NUP210: variants seen among roughly 807,000 people sequenced by gnomAD.
The protein encoded by NUP210 is nuclear pore membrane glycoprotein 210.
A neutral mutation model predicts 196.0 loss-of-function variants in NUP210; 151 were observed. That is an observed-to-expected ratio of 0.77 (90% CI 0.67 to 0.88). The LOEUF is 0.88. NUP210 is among the 40% of genes least tolerant of loss of function. The probability of loss-of-function intolerance (pLI) is 0.00; values close to 1 mark genes in which losing one functional copy is unlikely to be tolerated. For missense variants in NUP210, 2,314 were observed against 2,493.7 expected (o/e 0.93, Z 1.53); for synonymous variants, 1,070 against 1,052.7 (o/e 1.02, Z -0.32).
Position 13,323,572 on chromosome 3 carries a change from A to G in NUP210, c.4645-140T>C. 1.1e-6 allele frequency: 1 copy of G among 905,730 alleles called. No individual in the cohort carries two copies. The highest frequency in any genetic ancestry group is 1.7e-6 in the Non-Finnish European group (1 of 605,050). 56.1% of individuals were successfully genotyped at this position (905,730 alleles called of 1,614,324 possible). A position where few individuals can be genotyped will look rare whatever the true frequency, so the allele number is the denominator to read the frequency against. On this transcript the variant is annotated intron_variant, in intron 33 of 39. Coordinates refer to ENST00000254508, the MANE Select transcript of NUP210 (RefSeq NM_024923.4). The surrounding 1 kb of genome is among the most constrained non-coding windows in gnomAD (Gnocchi z 4.3). Reference sequence around the variant, plus strand: ...GGCAACACTGAGGCTCAAAGCCTAAACGCCTTGCTAGAATGTGGCAGAGAG... The same window carrying G: ...GGCAACACTGAGGCTCAAAGCCTAAGCGCCTTGCTAGAATGTGGCAGAGAG...
In NUP210 at chr3:13,340,019, G is replaced by A. The variant is rs778365730; in HGVS notation, c.3306C>T (p.Gly1102=). ...IGATMQVTSE[G]GPQPQSNILF... The stretch of plus-strand genomic sequence containing the variant: ...GGATGTTGGACTGAGGCTGGGGGCC[G>A]CCCTCGGAGGTGACCTGAGCGGGGA... Residue 1102 remains glycine (G), a synonymous_variant, in exon 25 of 40, where the codon GGC becomes GGT. Coordinates refer to ENST00000254508, the MANE Select transcript of NUP210 (RefSeq NM_024923.4). The surrounding 1 kb of genome is among the most constrained non-coding windows in gnomAD (Gnocchi z 4.0). 2.6e-5 allele frequency: 42 copies of A among 1,613,752 alleles called. No homozygotes were observed. The highest frequency in any genetic ancestry group is 6.7e-5 in the East Asian group (3 of 44,902).
In NUP210 at chr3:13,394,747, G is replaced by A. The variant is rs189552443; in HGVS notation, c.436+2610C>T. ...ATGGGCAGCCAGGGTGCCACTGTTCGTTGAGCAATTCTCTTTCTTGACATT... is the reference window on the plus strand; with the variant it reads ...ATGGGCAGCCAGGGTGCCACTGTTCATTGAGCAATTCTCTTTCTTGACATT... On this transcript the variant is annotated intron_variant, in intron 3 of 39. Transcript: ENST00000254508. Among the ~76,000 whole-genome samples, 647 of 152,306 alleles carry A rather than the reference G, an allele frequency of 4.2e-3. 2 individuals are homozygous for A. Among genetic ancestry groups the A allele is most frequent in the Non-Finnish European group, 6.8e-3 (460 of 68,022 alleles).
chr3:13,373,447 T>C (rs928798234), intron 12 of NUP210, among the ~76,000 whole-genome samples: 3 of 152,194 alleles, frequency 2.0e-5, no homozygotes, highest in Non-Finnish European at 4.4e-5. Context: ...GTCTGGGGAA[T>C]TTTCTAGAAT....
At position 13,321,602 on chromosome 3, in the gene NUP210, C is replaced by T. The variant is rs142737206; in HGVS notation, c.5149G>A (p.Val1717Ile). The T allele has an allele frequency of 1.6e-4, 258 of 1,613,952 alleles. No homozygotes were observed. The African/African-American group carries it at 2.9e-3, about 18-fold the overall frequency. Residue 1717 changes from valine to isoleucine, a missense_variant, in exon 36 of 40, where the codon GTT becomes ATT. By Grantham distance (29) the Val-to-Ile change is conservative. Coordinates refer to ENST00000254508, the MANE Select transcript of NUP210 (RefSeq NM_024923.4). ...CCACTCACCTCCAAGTTCTCCAGAA[C>T]CTCCGGGGCACCAAAGACCCTGATC... is the stretch of plus-strand genomic sequence containing the variant. Reference protein sequence around the residue: ...SEIRVFGAPEVLENLEVKSGS... With the variant: ...SEIRVFGAPEILENLEVKSGS...
chr3:13,337,014 C>A (rs1032389874), intron 26 of NUP210, 96 bp from the exon 27 acceptor site: 109 of 1,429,900 alleles, frequency 7.6e-5, no homozygotes, highest in Non-Finnish European at 1.0e-4. Flanking sequence ...GGGAGATGAA[C>A]CCAATTCCTC....
At chr3:13,355,098 G>A (rs947850872) in intron 16 of NUP210, among the ~76,000 whole-genome samples, 5 of 152,242 alleles carry the variant, frequency 3.3e-5, no homozygotes, top group Admixed American at 6.5e-5. Context: ...AGTTTCTCCA[G>A]CTATGACACA....
chr3:13,407,143 C>G (rs1050429181), intron 1 of NUP210, among the ~76,000 whole-genome samples: 9 of 152,200 alleles, frequency 5.9e-5, no homozygotes, highest in African/African-American at 2.2e-4. Context: ...TAATATATAT[C>G]AAGCTCTTCT....
rs2124946957 is a variant in NUP210, at chr3:13,399,728, T to C, written c.301A>G (p.Ile101Val). The change falls in exon 2 of 40, where the codon ATC becomes GTC. Residue 101 changes from isoleucine to valine, a missense_variant. Ile to Val is a conservative substitution (Grantham distance 29). Coordinates refer to ENST00000254508, the MANE Select transcript of NUP210 (RefSeq NM_024923.4). ...ACACACAGCACTCAGCCCTTACTGA[T>C]GTCCTCTGCGAAGATGATGCTGGTG... is the stretch of plus-strand genomic sequence containing the variant. The part of the protein sequence containing the change: ...RLTSIIFAED[I>V]TTGQVLRCDA... 2 of 1,614,078 alleles carry C rather than the reference T, an allele frequency of 1.2e-6. No homozygotes were observed. Among genetic ancestry groups the C allele is most frequent in the East Asian group, 2.2e-5 (1 of 44,882 alleles).
rs368379314 is a variant in NUP210, at chr3:13,404,433, G to A, written c.168-4572C>T. Among the ~76,000 whole-genome samples, 24 of 152,288 alleles carry A rather than the reference G, an allele frequency of 1.6e-4. No homozygotes were observed. The South Asian group carries it at 5.0e-3, about 32-fold the overall frequency. On this transcript the variant is annotated intron_variant, in intron 1 of 39. Transcript: ENST00000254508. Reference sequence around the variant, plus strand: ...AAACCAATATAGGTTGTTACACAATGGCTAATTCTGATGGTAGGAATATGG... The same window carrying A: ...AAACCAATATAGGTTGTTACACAATAGCTAATTCTGATGGTAGGAATATGG...
rs574865766 is a variant in NUP210 at position 13,415,547 on chromosome 3, A to G, written c.167+4513T>C. On this transcript the variant is annotated intron_variant, in intron 1 of 39. Coordinates refer to ENST00000254508, the MANE Select transcript of NUP210 (RefSeq NM_024923.4). Reference sequence around the variant, plus strand: ...AGCATGCACACAAATTGAGTGGTACAGGGGAAAACACTCTCAACGAAAAGA... The same window carrying G: ...AGCATGCACACAAATTGAGTGGTACGGGGGAAAACACTCTCAACGAAAAGA... Among the ~76,000 whole-genome samples, 7 of 152,330 alleles carry G rather than the reference A, an allele frequency of 4.6e-5. No homozygotes were observed. In the East Asian group the frequency reaches 1.2e-3, roughly 25 times the overall value.
At chr3:13,319,032 A>C in intron 39 of NUP210, 40 bp downstream of exon 39, 1 of 1,555,768 alleles carries the variant, frequency 6.4e-7, no homozygotes, top group Non-Finnish European at 8.7e-7. Context: ...TCTCTTTCTC[A>C]GCAGCTCTGC....
intron 33 of NUP210, among the ~76,000 whole-genome samples, chr3:13,324,528 A>G (rs115349712): frequency 1.6e-3 from 249 of 152,200 alleles, no homozygotes; most frequent in African/African-American, 5.7e-3. Context: ...GACCAGTAGC[A>G]GCCTGGTCAT....
intron 28 of NUP210, among the ~76,000 whole-genome samples, chr3:13,333,697 G>A (rs150770120): frequency 8.3e-4 from 126 of 152,294 alleles, no homozygotes; most frequent in African/African-American, 3.0e-3. Context: ...AGGCTGACTC[G>A]GATGCCCCCT....
intron 1 of NUP210, among the ~76,000 whole-genome samples, chr3:13,410,917 CAAAAAAAAAA>C (rs35395985): frequency 2.6e-5 from 2 of 77,464 alleles, no homozygotes; most frequent in Admixed American, 3.0e-4. Flanking sequence ...GACTCTGTCT[CAAAAAAAAAA>C]AAAAAAAAAA....
In NUP210 at chr3:13,420,087, A is replaced by C. The variant is rs750352938; in HGVS notation, c.140T>G (p.Leu47Arg). ...FTRATRVNFTLEASEGCYRWL... is the reference protein window; with the variant it reads ...FTRATRVNFTREASEGCYRWL... ...GCGGTAGCAGCCCTCCGAGGCCTCC[A>C]GCGTGAAGTTAACGCGCGTGGCCCG... The change falls in exon 1 of 40, where the codon CTG (leucine) becomes CGG (arginine). Residue 47 changes from leucine (L) to arginine (R), a missense_variant. Leu to Arg is a moderately radical substitution (Grantham distance 102). Coordinates refer to ENST00000254508, the MANE Select transcript of NUP210 (RefSeq NM_024923.4). This position sits in a 1 kb window ranked among gnomAD's most constrained non-coding sequence, Gnocchi z 4.8. The C allele has an allele frequency of 7.3e-7, 1 of 1,375,464 alleles. No homozygotes were observed. Among genetic ancestry groups the C allele is most frequent in the Non-Finnish European group, 9.6e-7 (1 of 1,043,236 alleles). The allele number at this position is 1,375,464 out of a possible 1,614,324, so 85.2% of individuals were successfully genotyped here. A position where few individuals can be genotyped will look rare whatever the true frequency, so the allele number is the denominator to read the frequency against.
intron 28 of NUP210, among the ~76,000 whole-genome samples, chr3:13,332,650 T>A (rs1056528186): frequency 2.0e-5 from 3 of 151,974 alleles, no homozygotes; most frequent in Non-Finnish European, 4.4e-5. Context: ...AGGCATGGAG[T>A]GTGCAACTGT....
rs774466587 is a variant in NUP210, at chr3:13,337,800, C to T, written c.3552+37G>A. On this transcript the variant is annotated intron_variant, in intron 26 of 39. Coordinates refer to ENST00000254508, the MANE Select transcript of NUP210 (RefSeq NM_024923.4). ...GGACAGGGTCCCAGCAGTGGCTCTT[C>T]GGGAACCAGGATTCAGAGCCCAGGA... 20 of 1,573,666 alleles carry T rather than the reference C, an allele frequency of 1.3e-5. No homozygotes were observed. The East Asian group carries it at 1.6e-4, about 13-fold the overall frequency.
At position 13,379,626 on chromosome 3, in the gene NUP210, G is replaced by A. The variant is rs866128776; in HGVS notation, c.913C>T (p.Gln305Ter). 1 of 1,614,036 alleles carries A rather than the reference G, an allele frequency of 6.2e-7. No homozygotes were observed. The highest frequency in any genetic ancestry group is 8.5e-7 in the Non-Finnish European group (1 of 1,180,020). Residue 305 changes from glutamine (Q) to a stop codon, truncating the protein, a stop_gained, in exon 7 of 40, where the codon CAG becomes TAG. Coordinates refer to ENST00000254508, the MANE Select transcript of NUP210 (RefSeq NM_024923.4). LOFTEE classifies it high-confidence loss of function. This position sits in a 1 kb window ranked among gnomAD's most constrained non-coding sequence, Gnocchi z 4.2. ...DPARPVAVLAQDTSMVTALQL... is the reference protein window; with the variant it reads ...DPARPVAVLA ...AGTGCAGTGACCATCGACGTGTCCT[G>A]GGCCAAGACAGCCACCGGCCGGGCT...
At chr3:13,367,196 G>T (rs932420150) in intron 13 of NUP210, among the ~76,000 whole-genome samples, 2 of 152,024 alleles carry the variant, frequency 1.3e-5, no homozygotes, top group Non-Finnish European at 2.9e-5. Flanking sequence ...CAGCACTTTG[G>T]GAGGCTGAGG....
Sources: allele counts gnomAD v4.1 joint callset (sites outside exome capture counted in the v4.1 genomes callset), GRCh38; gene constraint gnomAD v4.1.1; non-coding constraint Gnocchi (gnomAD v3.1); transcripts MANE v1.5; gene names NCBI Gene and HGNC (gene_info 2026-07-23, HGNC 2026-07-21).